The following PITPNM2 variants were observed in gnomAD, a reference collection of about 807,000 sequenced individuals.
PITPNM2 encodes membrane-associated phosphatidylinositol transfer protein 2.
PITPNM2 carries 35 observed loss-of-function variants against 132.2 expected under a neutral mutation model. The observed-to-expected ratio is 0.26, with a 90% CI of 0.20 to 0.35. The LOEUF (loss-of-function observed/expected upper bound fraction) is 0.35. Ranked by LOEUF, PITPNM2 falls within the 10% of genes least tolerant of loss-of-function variation. The probability of loss-of-function intolerance (pLI) is 1.00; values close to 1 mark genes in which losing one functional copy is unlikely to be tolerated. For missense variants in PITPNM2, 1,332 were observed against 1,912.0 expected, an observed-to-expected ratio of 0.70 and a Z score of 5.66; for synonymous variants, 738 against 799.2, an observed-to-expected ratio of 0.92 and a Z score of 1.29.
chr12:123,034,021 C>T (rs1284971358), intron 3 of PITPNM2, among the ~76,000 whole-genome samples: 2 of 152,222 alleles, frequency 1.3e-5, no homozygotes, highest in African/African-American at 4.8e-5. Context: ...AGCCTGCTCA[C>T]TCTCTGCCAT....
At chr12:123,068,534 C>T (rs1221221376) in intron 2 of PITPNM2, among the ~76,000 whole-genome samples, 1 of 152,134 alleles carries the variant, frequency 6.6e-6, no homozygotes, top group East Asian at 1.9e-4. Flanking sequence ...CCTAAGCAGA[C>T]AGCCTTAAGA....
rs2037857902 is a variant in PITPNM2, at chr12:122,984,578, T to G, written c.*1449A>C. 1 of 152,326 alleles carries G rather than the reference T, an allele frequency of 6.6e-6. No individual in the cohort carries two copies. The highest frequency in any genetic ancestry group is 1.5e-5 in the Non-Finnish European group (1 of 68,076). 9.4% of individuals were successfully genotyped at this position (152,326 alleles called of 1,614,324 possible). A position where few individuals can be genotyped will look rare whatever the true frequency, so the allele number is the denominator to read the frequency against. Reference sequence around the variant, plus strand: ...GCTTTCACTCTGTATAGACCCACTTTTGCAGAACATTTACACGACCCTTTG... The same window carrying G: ...GCTTTCACTCTGTATAGACCCACTTGTGCAGAACATTTACACGACCCTTTG... On this transcript the variant is annotated 3_prime_UTR_variant, in exon 26 of 26. Transcript: ENST00000320201.
rs1592938742 is a variant in PITPNM2, at chr12:123,008,896, A to C, written c.643+954T>G. ...CCCTTCCCTTGGGGTCACAGCCCCA[A>C]CACTGAACATGGCTGTCTAGTGAGA... is the stretch of plus-strand genomic sequence containing the variant. On this transcript the variant is annotated intron_variant, in intron 6 of 25. Transcript: ENST00000320201. This position sits in a 1 kb window ranked among gnomAD's most constrained non-coding sequence, Gnocchi z 4.1. 6.6e-6 allele frequency among the ~76,000 whole-genome samples: 1 copy of C among 152,150 alleles called. No individual in the cohort carries two copies. Among genetic ancestry groups the C allele is most frequent in the East Asian group, 1.9e-4 (1 of 5,194 alleles).
At chr12:122,991,989 C>T (rs1017560196) in intron 16 of PITPNM2, 103 of 1,197,722 alleles carry the variant, frequency 8.6e-5, no homozygotes, top group African/African-American at 2.6e-4. Context: ...CAGGGCTCCT[C>T]GAGGACCAGG....
chr12:123,114,400 C>T (rs998537894), intron 1 of PITPNM2, among the ~76,000 whole-genome samples: 18 of 151,128 alleles, frequency 1.2e-4, no homozygotes, highest in African/African-American at 4.4e-4. Flanking sequence ...CGAATCCTCC[C>T]AGAGACCGCC....
intron 3 of PITPNM2, among the ~76,000 whole-genome samples, chr12:123,027,797 A>G (rs907659919): frequency 1.3e-5 from 2 of 152,200 alleles, no homozygotes; most frequent in Non-Finnish European, 2.9e-5. Flanking sequence ...GTCACCAGGA[A>G]CTTCAAAGCT....
Position 123,005,406 on chromosome 12 carries a change from C to G in PITPNM2, c.786G>C (p.Glu262Asp), listed in dbSNP as rs184670411. 3 of 1,614,194 alleles carry G rather than the reference C, an allele frequency of 1.9e-6. No individual in the cohort carries two copies. Among genetic ancestry groups the G allele is most frequent in the Non-Finnish European group, 2.5e-6 (3 of 1,180,028 alleles). Residue 262 changes from glutamate (E) to aspartate (D), a missense_variant, in exon 7 of 26, where the codon GAG (glutamate) becomes GAC (aspartate). Around this residue, in one of 6 missense-constraint regions of PITPNM2, gnomAD observed 710 missense variants for 911.5 expected, o/e 0.78. Transcript: ENST00000320201. The surrounding 1 kb of genome is among the most constrained non-coding windows in gnomAD (Gnocchi z 6.2). ...MLSRKMAQFN[E>D]DGEEATELVK... ...CGAGCTCAGTGGCCTCCTCACCATC[C>G]TCATTGAACTGGGCCATCTTACGGG...
chr12:123,115,584 C>T (rs1410099927), intron 1 of PITPNM2, among the ~76,000 whole-genome samples: 1 of 152,030 alleles, frequency 6.6e-6, no homozygotes, highest in African/African-American at 2.4e-5. Context: ...CACACACATA[C>T]ACACACGCAT....
chr12:123,070,391 G>A (rs576391031), intron 2 of PITPNM2, among the ~76,000 whole-genome samples: 6 of 152,294 alleles, frequency 3.9e-5, no homozygotes, highest in East Asian at 3.9e-4. Flanking sequence ...CCCCAGGACC[G>A]TGTGGGCAAT....
Position 122,988,715 on chromosome 12 carries a change from C to A in PITPNM2, c.2880+9G>T. 1 of 1,554,574 alleles carries A rather than the reference C, an allele frequency of 6.4e-7. No homozygotes were observed. The highest frequency in any genetic ancestry group is 2.4e-5 in the East Asian group (1 of 41,582). On this transcript the variant is annotated intron_variant, in intron 19 of 25. Coordinates refer to ENST00000320201, the MANE Select transcript of PITPNM2 (RefSeq NM_020845.3). ...AGGGCCCTCCTGGGAGGTCCCAGGC[C>A]CCGGGTACCTGTCTCAGCAGAAAGG... is the stretch of plus-strand genomic sequence containing the variant.
intron 1 of PITPNM2, among the ~76,000 whole-genome samples, chr12:123,115,309 AG>A (rs1259107792): frequency 6.6e-6 from 1 of 152,192 alleles, no homozygotes; most frequent in African/African-American, 2.4e-5. Flanking sequence ...TGGAGGCAGC[AG>A]GGAAACCCTC....
In PITPNM2 at chr12:123,077,827, G is replaced by C. The variant is rs1164722432; in HGVS notation, c.-96+32558C>G. ...AAGCCAATGTGAGGGAAGGGGTGGG[G>C]GGACAAAGTATCAGAGCCAGGAGGT... On this transcript the variant is annotated intron_variant, in intron 2 of 25. Transcript: ENST00000320201. This position sits in a 1 kb window ranked among gnomAD's most constrained non-coding sequence, Gnocchi z 4.8. Among the ~76,000 whole-genome samples, 1 of 152,204 alleles carries C rather than the reference G, an allele frequency of 6.6e-6. No homozygotes were observed. Among genetic ancestry groups the C allele is most frequent in the Non-Finnish European group, 1.5e-5 (1 of 68,034 alleles).
chr12:122,996,674 A>G, intron 12 of PITPNM2, 47 bp downstream of exon 12: 1 of 1,611,252 alleles, frequency 6.2e-7, no homozygotes, highest in East Asian at 2.2e-5. Flanking sequence ...AGCCCGCCCT[A>G]CAGGGTCTTC....
intron 1 of PITPNM2, among the ~76,000 whole-genome samples, chr12:123,131,283 G>A (rs940242391): frequency 1.3e-5 from 2 of 152,144 alleles, no homozygotes; most frequent in African/African-American, 4.8e-5. Context: ...AGACACAGAG[G>A]GAGACAACCA....
chr12:123,097,887 G>A lies in PITPNM2; in HGVS notation c.-96+12498C>T, dbSNP rs2042453370. ...AGAGCTCGGAAAGCGGCTGCAGCCAGATGGGAACAACATAATCCTCCTTTC... is the reference window on the plus strand; with the variant it reads ...AGAGCTCGGAAAGCGGCTGCAGCCAAATGGGAACAACATAATCCTCCTTTC... On this transcript the variant is annotated intron_variant, in intron 2 of 25. Transcript: ENST00000320201. The surrounding 1 kb of genome is among the most constrained non-coding windows in gnomAD (Gnocchi z 4.7). Among the ~76,000 whole-genome samples, 1 of 152,242 alleles carries A rather than the reference G, an allele frequency of 6.6e-6. No homozygotes were observed. Among genetic ancestry groups the A allele is most frequent in the African/African-American group, 2.4e-5 (1 of 41,458 alleles).
At chr12:123,033,610 C>A (rs987204308) in intron 3 of PITPNM2, among the ~76,000 whole-genome samples, 15 of 152,162 alleles carry the variant, frequency 9.9e-5, no homozygotes, top group African/African-American at 3.6e-4. Flanking sequence ...AAGCATGGAG[C>A]TGGGAGCTAG....
chr12:123,119,150 C>A (rs1049197187), intron 1 of PITPNM2, among the ~76,000 whole-genome samples: 4 of 152,160 alleles, frequency 2.6e-5, no homozygotes, highest in African/African-American at 4.8e-5. Flanking sequence ...CTTAACGCAG[C>A]AAGACAGCTC....
intron 1 of PITPNM2, among the ~76,000 whole-genome samples, chr12:123,140,621 A>G (rs1017719491): frequency 1.3e-5 from 2 of 152,038 alleles, no homozygotes; most frequent in Non-Finnish European, 2.9e-5. Flanking sequence ...CTGCTTGACC[A>G]GCTGTCACCC....
intron 2 of PITPNM2, among the ~76,000 whole-genome samples, chr12:123,107,647 C>G (rs1385550243): frequency 6.6e-6 from 1 of 152,208 alleles, no homozygotes; most frequent in African/African-American, 2.4e-5. Context: ...CCATGACTCT[C>G]GCTACCAGGG....
Sources: gnomAD v4.1 joint callset for allele counts (sites outside exome capture counted in the v4.1 genomes callset) on GRCh38, gnomAD v4.1.1 for gene constraint, gnomAD v4.1.1 regional missense constraint, Gnocchi (gnomAD v3.1) non-coding constraint, MANE v1.5 for transcripts, NCBI Gene and HGNC (gene_info 2026-07-23, HGNC 2026-07-21) for gene names.